TM6SF1: variants seen among roughly 807,000 people sequenced by gnomAD.
The protein encoded by TM6SF1 is transmembrane 6 superfamily member 1.
TM6SF1 carries 43 observed loss-of-function variants against 47.1 expected under a neutral mutation model. That is an observed-to-expected ratio of 0.91 (90% CI 0.72 to 1.18). TM6SF1 has a LOEUF of 1.18. Among genes scored for constraint, TM6SF1 ranks in the 50% most tolerant of loss-of-function variants. TM6SF1 has a pLI of 0.00. For missense variants in TM6SF1, 390 were observed against 449.0 expected (o/e 0.87, Z 1.19); for synonymous variants, 177 against 166.3 (o/e 1.06, Z -0.49).
Position 83,124,760 on chromosome 15 carries a change from G to A in TM6SF1, c.692G>A (p.Cys231Tyr), listed in dbSNP as rs1366744477. ...TGTCTCCTCCTGGCAACTGGATTTT[G>A]CCTGTTCAGAGGTTTGGTAAGCATA... ...VVCLLLATGF[C>Y]LFRGLIALDC... Residue 231 changes from cysteine (C) to tyrosine (Y), a missense_variant, in exon 7 of 10, where the codon TGC becomes TAC. Transcript: ENST00000322019. 6.2e-7 allele frequency: 1 copy of A among 1,613,994 alleles called. No individual in the cohort carries two copies. The highest frequency in any genetic ancestry group is 2.2e-5 in the East Asian group (1 of 44,864).
chr15:83,131,113 A>C (rs964482720), intron 9 of TM6SF1: 2 of 152,092 alleles, frequency 1.3e-5, no homozygotes, highest in African/African-American at 2.4e-5. Flanking sequence ...CAAAAAAACA[A>C]AACAAAACAA....
At chr15:83,131,269 T>C (rs1181631719) in intron 9 of TM6SF1, 1 of 152,098 alleles carries the variant, frequency 6.6e-6, no homozygotes, top group Non-Finnish European at 1.5e-5. Flanking sequence ...CAAGAATCTA[T>C]GCAACTTAGT....
intron 1 of TM6SF1, chr15:83,111,635 C>T: frequency 2.0e-6 from 2 of 985,364 alleles, no homozygotes; most frequent in Non-Finnish European, 2.4e-6. Flanking sequence ...GGAGGGGTCT[C>T]AGTTGAGGAG....
chr15:83,133,310 A>G (rs532876944), intron 9 of TM6SF1: 4 of 152,388 alleles, frequency 2.6e-5, no homozygotes, highest in Non-Finnish European at 4.4e-5. Flanking sequence ...TTTTCTGCCT[A>G]TAACATTCAC....
chr15:83,126,119 T>C (rs2035726847), intron 7 of TM6SF1, among the ~76,000 whole-genome samples: 1 of 152,112 alleles, frequency 6.6e-6, no homozygotes, highest in Non-Finnish European at 1.5e-5. Context: ...GGCTTTTGGA[T>C]TGGGGCCATT....
chr15:83,127,516 C>T (rs758148077), intron 9 of TM6SF1, 39 bp downstream of exon 9: 1 of 1,608,364 alleles, frequency 6.2e-7, no homozygotes, highest in South Asian at 1.1e-5. Flanking sequence ...TACTTGTGGT[C>T]TAGGTGTCAA....
chr15:83,127,151 G>T (rs1021191699), intron 8 of TM6SF1, among the ~76,000 whole-genome samples: 1 of 150,762 alleles, frequency 6.6e-6, no homozygotes, highest in Non-Finnish European at 1.5e-5. Context: ...CCGAGATTGC[G>T]CCACTGCACT....
At chr15:83,134,965 C>G (rs969132161) in intron 9 of TM6SF1, 7 of 152,210 alleles carry the variant, frequency 4.6e-5, no homozygotes, top group Non-Finnish European at 8.8e-5. Context: ...GTCCTCAGAG[C>G]CCAGAGATGC....
chr15:83,111,935 G>T (rs929648204), intron 1 of TM6SF1, among the ~76,000 whole-genome samples: 4 of 152,122 alleles, frequency 2.6e-5, no homozygotes, highest in Non-Finnish European at 4.4e-5. Flanking sequence ...CTATGTTTTT[G>T]AATTAATTAA....
In TM6SF1 at chr15:83,124,872, ACTT is replaced by A. The variant is rs1212851888; in HGVS notation, c.708+100_708+102del. ...AAATATGTTTTTGTTTTTCCATCAG[ACTT>A]CTTAGCAAACTAACAAACCATTCCT... On this transcript the variant is annotated intron_variant, in intron 7 of 9. Coordinates refer to ENST00000322019, the MANE Select transcript of TM6SF1 (RefSeq NM_023003.5). 2.8e-6 allele frequency: 3 copies of A among 1,066,918 alleles called. No individual in the cohort carries two copies. The African/African-American group carries it at 4.8e-5, about 17-fold the overall frequency. 66.1% of individuals were successfully genotyped at this position (1,066,918 alleles called of 1,614,324 possible).
chr15:83,122,005 T>C lies in TM6SF1; in HGVS notation c.481+2T>C. On this transcript the variant is annotated splice_donor_variant, in intron 5 of 9. Transcript: ENST00000322019. LOFTEE classifies it high-confidence loss of function. The stretch of plus-strand genomic sequence containing the variant: ...TTTTTGTGCCAGGAAACATTGTAGG[T>C]AAGAAACTTTATCTTAAAGTTCACT... 1 of 1,604,904 alleles carries C rather than the reference T, an allele frequency of 6.2e-7. No homozygotes were observed. The highest frequency in any genetic ancestry group is 1.1e-5 in the South Asian group (1 of 88,738).
chr15:83,126,427 G>T (rs988228830), intron 7 of TM6SF1, among the ~76,000 whole-genome samples: 9 of 152,108 alleles, frequency 5.9e-5, no homozygotes, highest in South Asian at 2.1e-4. Context: ...AGGGAATAGG[G>T]GGCTAGTTAT....
intron 1 of TM6SF1, among the ~76,000 whole-genome samples, chr15:83,112,332 G>T (rs1405882923): frequency 6.6e-6 from 1 of 152,170 alleles, no homozygotes; most frequent in Non-Finnish European, 1.5e-5. Flanking sequence ...CCCCTGGAAG[G>T]CATGTTTAGT....
At chr15:83,129,468 A>G (rs1223010227) in intron 9 of TM6SF1, 1 of 152,312 alleles carries the variant, frequency 6.6e-6, no homozygotes, top group Admixed American at 6.5e-5. Flanking sequence ...ACACATAATA[A>G]TATCTTTTGT....
At chr15:83,118,498 G>A (rs2034905891) in intron 3 of TM6SF1, among the ~76,000 whole-genome samples, 3 of 152,210 alleles carry the variant, frequency 2.0e-5, no homozygotes, top group Admixed American at 2.0e-4. Flanking sequence ...AAGTCCAAGA[G>A]AAGGGACGTG....
intron 2 of TM6SF1, chr15:83,114,663 C>T (rs909003498): frequency 2.6e-5 from 4 of 152,530 alleles, no homozygotes; most frequent in African/African-American, 9.6e-5. Flanking sequence ...AATTAACCAT[C>T]CCCACACTCC....
At chr15:83,127,696 G>A (rs2035890566) in intron 9 of TM6SF1, 1 of 441,254 alleles carries the variant, frequency 2.3e-6, no homozygotes, top group Non-Finnish European at 4.0e-6. Context: ...CACAGATGAG[G>A]AAGTTATCTG....
At chr15:83,129,288 C>T (rs2036037616) in intron 9 of TM6SF1, 1 of 152,218 alleles carries the variant, frequency 6.6e-6, no homozygotes, top group African/African-American at 2.4e-5. Context: ...GCTATGTGCT[C>T]TGCTGCTGTA....
intron 5 of TM6SF1, 28 bp downstream of exon 5, chr15:83,122,031 T>C: frequency 1.3e-6 from 2 of 1,552,296 alleles, no homozygotes; most frequent in Non-Finnish European, 1.8e-6. Context: ...AAAGTTCACT[T>C]TCCTTTTCTA....
Sources: allele counts gnomAD v4.1 joint callset (sites outside exome capture counted in the v4.1 genomes callset), GRCh38; gene constraint gnomAD v4.1.1; transcripts MANE v1.5; gene names NCBI Gene and HGNC (gene_info 2026-07-23, HGNC 2026-07-21).